CCDC30: variants seen among roughly 807,000 people sequenced by gnomAD.
The protein encoded by CCDC30 is coiled-coil domain-containing protein 30.
A neutral mutation model predicts 100.2 loss-of-function variants in CCDC30; 70 were observed. The observed-to-expected ratio is 0.70, with a 90% CI of 0.58 to 0.85. The LOEUF (loss-of-function observed/expected upper bound fraction) is 0.85, where lower values mean the gene tolerates loss of function less well. Ranked by LOEUF, CCDC30 falls within the 40% of genes least tolerant of loss-of-function variation. The probability of loss-of-function intolerance (pLI) is 0.00; values close to 1 mark genes in which losing one functional copy is unlikely to be tolerated. For synonymous variants in CCDC30, 233 were observed against 269.5 expected, an observed-to-expected ratio of 0.86 and a Z score of 1.33; for missense variants, 652 against 771.2, an observed-to-expected ratio of 0.85 and a Z score of 1.83.
At chr1:42,456,956 G>T in the CCDC30 span, 4 of 1,604,652 alleles carry the variant, frequency 2.5e-6, no homozygotes, top group African/African-American at 2.7e-5. Flanking sequence ...TTTTGCTGAG[G>T]CTCTGAGGAG....
At chr1:42,589,475 TATG>T (rs1646141305) in exon 10 of CCDC30, 1 of 1,612,228 alleles carries the variant, frequency 6.2e-7, no homozygotes, top group Non-Finnish European at 8.5e-7. Context: ...AAAAAGAAAA[TATG>T]ATGAGGTAAG....
chr1:42,556,524 T>A, intron 6 of CCDC30, 119 bp downstream of exon 10: 1 of 1,101,870 alleles, frequency 9.1e-7, no homozygotes, highest in Non-Finnish European at 1.3e-6. Context: ...TTTAGGTACA[T>A]AGTAGATGTG....
At position 42,500,338 on chromosome 1, in the gene CCDC30, A is replaced by G. The variant is rs149017210; in HGVS notation, c.456+1422A>G. 1.5e-4 allele frequency: 235 copies of G among 1,603,112 alleles called. 1 individual carries two copies. The African/African-American group carries it at 2.7e-3, about 18-fold the overall frequency. On this transcript the variant is annotated intron_variant, in intron 6 of 16. Transcript: ENST00000668663. ...CTCAGCCATATCGGGTTTGTCAGACATAGTTGCCGAGGAAAAGCGGAGTGA... is the reference window on the plus strand; with the variant it reads ...CTCAGCCATATCGGGTTTGTCAGACGTAGTTGCCGAGGAAAAGCGGAGTGA...
At chr1:42,507,760 T>C (rs564330813) in intron 6 of CCDC30, among the ~76,000 whole-genome samples, 5 of 152,342 alleles carry the variant, frequency 3.3e-5, no homozygotes, top group African/African-American at 1.2e-4. Flanking sequence ...GTTAATTTTG[T>C]ATGTCCCCAG....
chr1:42,560,112 T>TA (rs1645456286), intron 6 of CCDC30, among the ~76,000 whole-genome samples: 1 of 152,118 alleles, frequency 6.6e-6, no homozygotes, highest in African/African-American at 2.4e-5. Flanking sequence ...AGAGACAAGT[T>TA]ACCAGAATCT....
At chr1:42,649,289 G>A (rs188305580) in intron 15 of CCDC30, among the ~76,000 whole-genome samples, 19 of 152,166 alleles carry the variant, frequency 1.2e-4, no homozygotes, top group African/African-American at 4.3e-4. Flanking sequence ...ATACAAGGAT[G>A]GCTCAACATA....
chr1:42,477,164 G>C (rs1357573104), intron 1 of CCDC30, among the ~76,000 whole-genome samples: 1 of 151,862 alleles, frequency 6.6e-6, no homozygotes, highest in Non-Finnish European at 1.5e-5. Context: ...GGTTGTTCAA[G>C]GGCTCTAATC....
chr1:42,459,398 C>T (rs183843033), upstream of CCDC30: 529 of 576,926 alleles, frequency 9.2e-4, 3 homozygotes, highest in East Asian at 0.011. Context: ...TGGGCTCAAG[C>T]GATCCACCCA....
intron 6 of CCDC30, among the ~76,000 whole-genome samples, chr1:42,530,486 A>G (rs1303284572): frequency 1.3e-5 from 2 of 152,184 alleles, no homozygotes; most frequent in East Asian, 3.8e-4. Context: ...ATATTAAAAT[A>G]AAAAATAACA....
chr1:42,608,846 T>C (rs1046447620), intron 10 of CCDC30, among the ~76,000 whole-genome samples: 3 of 149,946 alleles, frequency 2.0e-5, no homozygotes, highest in African/African-American at 7.4e-5. Context: ...CAGTGCCACA[T>C]GATGAGGAAG....
chr1:42,552,748 C>T (rs974112943), intron 6 of CCDC30, among the ~76,000 whole-genome samples: 22 of 152,202 alleles, frequency 1.4e-4, no homozygotes, highest in African/African-American at 3.9e-4. Flanking sequence ...CTTCTCTCCC[C>T]GGGGCCGCCA....
At chr1:42,549,007 T>C (rs569223609) in intron 6 of CCDC30, among the ~76,000 whole-genome samples, 2 of 152,336 alleles carry the variant, frequency 1.3e-5, no homozygotes, top group East Asian at 3.9e-4. Flanking sequence ...ATAGTTCTTT[T>C]GTCATAGAGT....
intron 6 of CCDC30, among the ~76,000 whole-genome samples, chr1:42,563,581 G>T (rs887387154): frequency 6.6e-6 from 1 of 152,000 alleles, no homozygotes; most frequent in African/African-American, 2.4e-5. Context: ...TTTTTTAGAA[G>T]AAATTTTTTT....
chr1:42,546,713 T>C (rs1645152334), intron 6 of CCDC30, among the ~76,000 whole-genome samples: 1 of 152,072 alleles, frequency 6.6e-6, no homozygotes, highest in South Asian at 2.1e-4. Flanking sequence ...TATTTATCTA[T>C]CTATCTGTCT....
intron 6 of CCDC30, among the ~76,000 whole-genome samples, chr1:42,546,732 A>G (rs757057184): frequency 5.9e-5 from 9 of 151,864 alleles, no homozygotes; most frequent in Admixed American, 1.3e-4. Flanking sequence ...CTATCTATCT[A>G]TCTATCTTGT....
intron 1 of CCDC30, chr1:42,464,181 T>G (rs747765562): frequency 6.6e-6 from 1 of 152,176 alleles, no homozygotes; most frequent in South Asian, 2.1e-4. Flanking sequence ...AACCTTTCAG[T>G]CTTGGGTAAA....
intron 6 of CCDC30, among the ~76,000 whole-genome samples, chr1:42,561,312 G>C (rs959312834): frequency 1.3e-5 from 2 of 152,020 alleles, no homozygotes; most frequent in African/African-American, 4.8e-5. Flanking sequence ...ATACACAAAT[G>C]AATAAACATA....
intron 6 of CCDC30, chr1:42,556,330 A>T: frequency 6.2e-7 from 1 of 1,614,092 alleles, no homozygotes; most frequent in East Asian, 2.2e-5. Context: ...GGCTTAGAGA[A>T]GAGCTGAGCC....
chr1:42,569,258 T>C (rs568084341), intron 7 of CCDC30: 4 of 152,110 alleles, frequency 2.6e-5, no homozygotes, highest in Admixed American at 6.5e-5. Flanking sequence ...ATCCAGAATC[T>C]ACAAGGAACT....
Sources: allele counts gnomAD v4.1 joint callset (sites outside exome capture counted in the v4.1 genomes callset), GRCh38; gene constraint gnomAD v4.1.1; transcripts MANE v1.5; gene names NCBI Gene and HGNC (gene_info 2026-07-23, HGNC 2026-07-21).